IGFBP7: variants seen among roughly 807,000 people sequenced by gnomAD.
The protein encoded by IGFBP7 is insulin-like growth factor-binding protein 7.
Under a neutral mutation model 29.4 loss-of-function variants are expected in IGFBP7, and 31 were observed. The ratio of observed to expected loss-of-function variants is 1.05; its 90% CI spans 0.79 to 1.42. IGFBP7 has a LOEUF of 1.42. Ranked by LOEUF, IGFBP7 falls within the 40% of genes most tolerant of loss-of-function variation. The probability of loss-of-function intolerance (pLI) is 0.00; values close to 1 mark genes in which losing one functional copy is unlikely to be tolerated. For missense variants in IGFBP7, 393 were observed against 395.5 expected, an observed-to-expected ratio of 0.99 and a Z score of 0.05; for synonymous variants, 172 against 174.9, an observed-to-expected ratio of 0.98 and a Z score of 0.13.
intron 1 of IGFBP7, among the ~76,000 whole-genome samples, chr4:57,071,623 C>T (rs369748606): frequency 9.8e-5 from 15 of 152,314 alleles, no homozygotes; most frequent in Non-Finnish European, 1.5e-4. Context: ...TCAGGCTCTC[C>T]GCCCAGAATA....
chr4:57,096,944 G>A (rs116675893), intron 1 of IGFBP7, among the ~76,000 whole-genome samples: 2,621 of 152,148 alleles, frequency 0.017, 77 homozygotes, highest in African/African-American at 0.058. Context: ...TATTATTTCC[G>A]CCAATAAGAC....
At chr4:57,084,029 A>G (rs1332291774) in intron 1 of IGFBP7, among the ~76,000 whole-genome samples, 3 of 152,230 alleles carry the variant, frequency 2.0e-5, no homozygotes, top group South Asian at 4.1e-4. Flanking sequence ...TTTAGAATTT[A>G]TCTGAAGGTG....
At chr4:57,065,026 T>C (rs1294103515) in intron 1 of IGFBP7, among the ~76,000 whole-genome samples, 1 of 152,180 alleles carries the variant, frequency 6.6e-6, no homozygotes, top group East Asian at 1.9e-4. Flanking sequence ...GAATGAAACA[T>C]GGACAAATAA....
At chr4:57,061,981 G>C (rs376198132) in intron 1 of IGFBP7, among the ~76,000 whole-genome samples, 7 of 152,058 alleles carry the variant, frequency 4.6e-5, no homozygotes, top group African/African-American at 1.7e-4. Flanking sequence ...AGTTTTTATA[G>C]CCATTACTTC....
chr4:57,043,665 T>G (rs1724285106), intron 1 of IGFBP7, among the ~76,000 whole-genome samples: 1 of 152,238 alleles, frequency 6.6e-6, no homozygotes, highest in Non-Finnish European at 1.5e-5. Flanking sequence ...TAAATACATT[T>G]CATGCTTCCT....
chr4:57,072,874 C>A, intron 1 of IGFBP7: 1 of 653,688 alleles, frequency 1.5e-6, no homozygotes, highest in South Asian at 1.4e-5. Context: ...ACAATGTACC[C>A]ATGGTGAAGT....
At chr4:57,064,062 G>A (rs182875549) in intron 1 of IGFBP7, among the ~76,000 whole-genome samples, 4 of 152,308 alleles carry the variant, frequency 2.6e-5, no homozygotes, top group South Asian at 2.1e-4. Flanking sequence ...ACTGCAGGCC[G>A]GCATGATGGC....
At chr4:57,074,013 A>G (rs1413679163) in intron 1 of IGFBP7, among the ~76,000 whole-genome samples, 2 of 151,920 alleles carry the variant, frequency 1.3e-5, no homozygotes, top group East Asian at 3.9e-4. Flanking sequence ...AACTCTGCCC[A>G]TCGTACTTTC....
At chr4:57,039,454 C>G (rs1724165230) in intron 2 of IGFBP7, among the ~76,000 whole-genome samples, 1 of 152,082 alleles carries the variant, frequency 6.6e-6, no homozygotes, top group Non-Finnish European at 1.5e-5. Context: ...TTTTAATTCT[C>G]ACGACAGGGG....
intron 1 of IGFBP7, among the ~76,000 whole-genome samples, chr4:57,076,157 T>C (rs1718849): frequency 0.77 from 117,760 of 152,028 alleles, 45,893 homozygotes; most frequent in East Asian, 0.97. Context: ...TAGCCTCACA[T>C]GGTGGAAAGA....
At position 57,030,821 on chromosome 4, in the gene IGFBP7, C is replaced by T; in HGVS notation, c.*496G>A. On this transcript the variant is annotated 3_prime_UTR_variant, in exon 5 of 5. Transcript: ENST00000295666. ...TTATTCATTATCTACAGTACCAGAT[C>T]TTTGTCTTTTTCTGGGGTAGAGAAG... is the stretch of plus-strand genomic sequence containing the variant. 1.2e-6 allele frequency: 1 copy of T among 806,736 alleles called. No individual in the cohort carries two copies. The highest frequency in any genetic ancestry group is 2.2e-6 in the Non-Finnish European group (1 of 452,670). The allele number at this position is 806,736 out of a possible 1,614,324, so 50.0% of individuals were successfully genotyped here.
Position 57,033,273 on chromosome 4 carries a change from G to C in IGFBP7, c.624C>G (p.Leu208=). The C allele has an allele frequency of 1.9e-6, 3 of 1,614,138 alleles. No homozygotes were observed. Among genetic ancestry groups the C allele is most frequent in the Non-Finnish European group, 2.5e-6 (3 of 1,180,012 alleles). ...RGHYGVQRTE[L]LPGDRDNLAI... is the part of the protein sequence containing the mutation. ...CCAGGTTGTCCCGGTCACCAGGCAG[G>C]AGTTCTGTCCTTTGAACTCCATAGT... Residue 208 remains leucine, a synonymous_variant, in exon 3 of 5, where the codon CTC becomes CTG. Transcript: ENST00000295666.
At chr4:57,052,585 C>G (rs548740857) in intron 1 of IGFBP7, among the ~76,000 whole-genome samples, 1 of 152,186 alleles carries the variant, frequency 6.6e-6, no homozygotes, top group Admixed American at 6.5e-5. Flanking sequence ...TGCTGACCAC[C>G]TGGCCCGTCC....
intron 1 of IGFBP7, chr4:57,072,576 T>G (rs1232202464): frequency 8.1e-6 from 2 of 247,498 alleles, no homozygotes; most frequent in Non-Finnish European, 8.0e-6. Context: ...TTTAAGTTCC[T>G]ATCTTTCTGT....
At chr4:57,051,024 C>G (rs1271297732) in intron 1 of IGFBP7, among the ~76,000 whole-genome samples, 1 of 152,118 alleles carries the variant, frequency 6.6e-6, no homozygotes, top group Admixed American at 6.5e-5. Flanking sequence ...AGAAGGACCT[C>G]AGATACCACA....
chr4:57,078,834 A>T (rs934095062), intron 1 of IGFBP7, among the ~76,000 whole-genome samples: 2 of 123,450 alleles, frequency 1.6e-5, no homozygotes, highest in African/African-American at 5.0e-5. Context: ...TAACTAGGAG[A>T]TTTCTTGAAC....
chr4:57,041,365 A>G (rs1438618176), intron 1 of IGFBP7, among the ~76,000 whole-genome samples: 3 of 152,186 alleles, frequency 2.0e-5, no homozygotes, highest in Non-Finnish European at 4.4e-5. Context: ...AAGAAAAAAA[A>G]TCTAAGAGAA....
chr4:57,094,497 C>T (rs1461904995), intron 1 of IGFBP7, among the ~76,000 whole-genome samples: 1 of 152,076 alleles, frequency 6.6e-6, no homozygotes, highest in Admixed American at 6.5e-5. Context: ...AACCTTCCTG[C>T]CACTCCTATG....
At chr4:57,056,097 C>A (rs1039254424) in intron 1 of IGFBP7, among the ~76,000 whole-genome samples, 1 of 152,062 alleles carries the variant, frequency 6.6e-6, no homozygotes, top group Non-Finnish European at 1.5e-5. Flanking sequence ...CATAACTGAG[C>A]TCCTCCTGCT....
Sources: gnomAD v4.1 joint callset for allele counts (sites outside exome capture counted in the v4.1 genomes callset) on GRCh38, gnomAD v4.1.1 for gene constraint, MANE v1.5 for transcripts, NCBI Gene and HGNC (gene_info 2026-07-23, HGNC 2026-07-21) for gene names.